VWA2: variants seen among roughly 807,000 people sequenced by gnomAD.
The protein encoded by VWA2 is von Willebrand factor A domain-containing protein 2.
Under a neutral mutation model 70.4 loss-of-function variants are expected in VWA2, and 73 were observed. The ratio of observed to expected loss-of-function variants is 1.04; its 90% confidence interval spans 0.86 to 1.26. The LOEUF (loss-of-function observed/expected upper bound fraction) is 1.26. Ranked by LOEUF, VWA2 falls within the 50% of genes most tolerant of loss-of-function variation. The pLI is 0.00. For missense variants in VWA2, 1,011 were observed against 998.5 expected (o/e 1.01, Z -0.17); for synonymous variants, 407 against 423.3 (o/e 0.96, Z 0.47).
intron 3 of VWA2, among the ~76,000 whole-genome samples, chr10:114,254,070 C>CT (rs1311880426): frequency 1.3e-5 from 2 of 151,480 alleles, no homozygotes; most frequent in Admixed American, 1.3e-4. Context: ...CTCAGTAAAC[C>CT]TTTTTTTGTT....
At position 114,239,514 on chromosome 10, in the gene VWA2, C is replaced by G. The variant is rs2036936664; in HGVS notation, c.-66C>G. ...AGCGCCCCCTGGCCCGAGCCGCGCC[C>G]GGGTCTGTGAGTAGAGCCGCCCGGG... On this transcript the variant is annotated 5_prime_UTR_variant, in exon 1 of 14. Transcript: ENST00000392982. The G allele has an allele frequency of 6.6e-6, 1 of 152,296 alleles. No individual in the cohort carries two copies. The highest frequency in any genetic ancestry group is 1.5e-5 in the Non-Finnish European group (1 of 68,120). The allele number at this position is 152,296 out of a possible 1,614,324, so 9.4% of individuals were successfully genotyped here.
chr10:114,240,521 T>A (rs1467156481), intron 1 of VWA2, among the ~76,000 whole-genome samples: 1 of 152,224 alleles, frequency 6.6e-6, no homozygotes, highest in Non-Finnish European at 1.5e-5. Flanking sequence ...ACGTGTACAT[T>A]TTTCAAATTA....
rs2037199313 is a variant in VWA2, at chr10:114,251,733, A to G, written c.53-1918A>G. Reference sequence around the variant, plus strand: ...GGCAGGAAGGTGAGGGGCTCGTGGGAACAGAACCGCATTATGGGGTGGGCC... The same window carrying G: ...GGCAGGAAGGTGAGGGGCTCGTGGGGACAGAACCGCATTATGGGGTGGGCC... On this transcript the variant is annotated intron_variant, in intron 2 of 13. Transcript: ENST00000392982. 3.3e-5 allele frequency among the ~76,000 whole-genome samples: 5 copies of G among 151,922 alleles called. No individual in the cohort carries two copies. The South Asian group carries it at 1.0e-3, about 32-fold the overall frequency.
At chr10:114,247,188 T>TG (rs1399161264) in intron 1 of VWA2, among the ~76,000 whole-genome samples, 2 of 142,712 alleles carry the variant, frequency 1.4e-5, no homozygotes, top group Non-Finnish European at 3.1e-5. Flanking sequence ...TTTTTAAGTG[T>TG]GAAAAAAAAA....
At position 114,259,085 on chromosome 10, in the gene VWA2, T is replaced by C. The variant is rs1014193598; in HGVS notation, c.262-2101T>C. On this transcript the variant is annotated intron_variant, in intron 4 of 13. Transcript: ENST00000392982. Reference sequence around the variant, plus strand: ...GCCCTATGCATTTGTTTAAATTTTATTATTTTTAATTTTCAATAAATATTA... The same window carrying C: ...GCCCTATGCATTTGTTTAAATTTTACTATTTTTAATTTTCAATAAATATTA... Among the ~76,000 whole-genome samples the C allele has an allele frequency of 1.5e-4, 23 of 152,244 alleles. 1 individual carries two copies. The highest frequency in any genetic ancestry group is 5.5e-4 in the African/African-American group (23 of 41,456).
At chr10:114,291,071 A>T in intron 13 of VWA2, 147 bp from the exon 14 acceptor site, 1 of 940,504 alleles carries the variant, frequency 1.1e-6, no homozygotes, top group Non-Finnish European at 1.7e-6. Flanking sequence ...GAGGATAATC[A>T]CATGGGGTCT....
rs143643305 is a variant in VWA2 at position 114,246,723 on chromosome 10, G to C, written c.-10-1981G>C. ...CAACTAGCAAACAGTCTTAGGAATCGTGCAGGGGGAGAAATCCTTGAACCA... is the reference window on the plus strand; with the variant it reads ...CAACTAGCAAACAGTCTTAGGAATCCTGCAGGGGGAGAAATCCTTGAACCA... On this transcript the variant is annotated intron_variant, in intron 1 of 13. Coordinates refer to ENST00000392982, the MANE Select transcript of VWA2 (RefSeq NM_001272046.2). The C allele has an allele frequency of 2.6e-6, 4 of 1,528,254 alleles. No homozygotes were observed. The East Asian group carries it at 9.0e-5, about 34-fold the overall frequency. 94.7% of individuals were successfully genotyped at this position (1,528,254 alleles called of 1,614,324 possible).
intron 5 of VWA2, among the ~76,000 whole-genome samples, chr10:114,271,821 G>A (rs2133360836): frequency 6.6e-6 from 1 of 152,282 alleles, no homozygotes; most frequent in African/African-American, 2.4e-5. Flanking sequence ...TGCTCCCACA[G>A]GGTTTTCTCT....
In VWA2 at chr10:114,292,208, C is replaced by T. The variant is rs148972092; in HGVS notation, c.*971C>T. Among the ~76,000 whole-genome samples the T allele has an allele frequency of 6.3e-3, 925 of 147,802 alleles. 4 individuals are homozygous for T. The highest frequency in any genetic ancestry group is 0.014 in the Middle Eastern group (4 of 292). ...AGGAGAATGGCTTGAACCTGGGAGG[C>T]GGAAGTTACAGTGAGCCGAGATCTC... On this transcript the variant is annotated 3_prime_UTR_variant, in exon 14 of 14. Coordinates refer to ENST00000392982, the MANE Select transcript of VWA2 (RefSeq NM_001272046.2).
Position 114,290,249 on chromosome 10 carries a change from AGC to A in VWA2, c.2133_2134del (p.Gln711HisfsTer13), listed in dbSNP as rs2039439302. On this transcript the variant is annotated frameshift_variant, in exon 13 of 14. Transcript: ENST00000392982. LOFTEE classifies it high-confidence loss of function. ...GTGTTCTCCATTGTAGAAGCCAAGC[AGC>A]CAGTCAACCTCTGCAAACCCAGCCC... 6.4e-7 allele frequency: 1 copy of A among 1,550,424 alleles called. No homozygotes were observed. Among genetic ancestry groups the A allele is most frequent in the African/African-American group, 1.4e-5 (1 of 73,132 alleles).
At chr10:114,270,811 T>C (rs898860249) in intron 5 of VWA2, among the ~76,000 whole-genome samples, 1 of 152,172 alleles carries the variant, frequency 6.6e-6, no homozygotes, top group Non-Finnish European at 1.5e-5. Context: ...TCTTCGGAGA[T>C]TCATCCATGT....
chr10:114,257,965 G>A (rs1319752052), intron 4 of VWA2, among the ~76,000 whole-genome samples: 7 of 152,192 alleles, frequency 4.6e-5, no homozygotes, highest in Non-Finnish European at 1.0e-4. Context: ...CAATGGCTCT[G>A]TTTTTTAAGG....
At chr10:114,243,903 C>T (rs1454884335) in intron 1 of VWA2, among the ~76,000 whole-genome samples, 1 of 152,232 alleles carries the variant, frequency 6.6e-6, no homozygotes, top group Non-Finnish European at 1.5e-5. Context: ...ATCCGAAGGC[C>T]ACACTCTGTT....
intron 5 of VWA2, among the ~76,000 whole-genome samples, chr10:114,266,300 G>GAA (rs1039702482): frequency 6.8e-6 from 1 of 146,538 alleles, no homozygotes; most frequent in African/African-American, 2.5e-5. Context: ...CCGTCTCAAA[G>GAA]AAAAAAAAAA....
chr10:114,281,812 T>C (rs1460624779), intron 8 of VWA2: 13 of 933,282 alleles, frequency 1.4e-5, no homozygotes, highest in Admixed American at 6.2e-5. Flanking sequence ...AGAATTACTA[T>C]ACAAAGAGGA....
At chr10:114,290,111 T>G in intron 12 of VWA2, 129 bp from the exon 13 acceptor site, 420 of 1,281,232 alleles carry the variant, frequency 3.3e-4, no homozygotes, top group Middle Eastern at 4.3e-4. Flanking sequence ...GCACCAACCA[T>G]GAGCTACCGG....
At position 114,285,920 on chromosome 10, in the gene VWA2, G is replaced by A; in HGVS notation, c.998-19G>A. 1 of 1,567,890 alleles carries A rather than the reference G, an allele frequency of 6.4e-7. No homozygotes were observed. Among genetic ancestry groups the A allele is most frequent in the Non-Finnish European group, 8.7e-7 (1 of 1,152,742 alleles). The stretch of plus-strand genomic sequence containing the variant: ...GCATGACCATGGCTTGACAGTGGGT[G>A]TTGCTGTGATCCCCGCAGCCCTGAA... On this transcript the variant is annotated intron_variant, in intron 10 of 13. Transcript: ENST00000392982.
intron 6 of VWA2, among the ~76,000 whole-genome samples, chr10:114,274,015 T>TGA (rs2037767218): frequency 6.6e-6 from 1 of 152,040 alleles, no homozygotes; most frequent in Admixed American, 6.5e-5. Context: ...TTGAGTGAAG[T>TGA]GAGGAGTAAG....
chr10:114,286,255 C>A lies in VWA2; in HGVS notation c.1314C>A (p.Thr438=). 6.2e-7 allele frequency: 1 copy of A among 1,610,514 alleles called. No individual in the cohort carries two copies. ...CAGAGCGTGGCTTCGGGAGCGCCACCAGGACAGGCCAGGACCGGCCACGTA... is the reference window on the plus strand; with the variant it reads ...CAGAGCGTGGCTTCGGGAGCGCCACAAGGACAGGCCAGGACCGGCCACGTA... ...QAAERGFGSA[T]RTGQDRPRRV... is the part of the protein sequence containing the mutation. Residue 438 remains threonine, a synonymous_variant, in exon 11 of 14, where the codon ACC becomes ACA. Transcript: ENST00000392982.
Sources: allele counts gnomAD v4.1 joint callset (sites outside exome capture counted in the v4.1 genomes callset), GRCh38; gene constraint gnomAD v4.1.1; transcripts MANE v1.5; gene names NCBI Gene and HGNC (gene_info 2026-07-23, HGNC 2026-07-21).